PTPRD: variants seen among roughly 807,000 people sequenced by gnomAD.
PTPRD encodes the protein receptor-type tyrosine-protein phosphatase delta.
Under a neutral mutation model 214.5 loss-of-function variants are expected in PTPRD, and 34 were observed. The observed-to-expected ratio is 0.16, with a 90% CI of 0.12 to 0.21. The LOEUF (loss-of-function observed/expected upper bound fraction) is 0.21. PTPRD is among the 10% of genes least tolerant of loss of function. The pLI is 1.00. For synonymous variants in PTPRD, 1,128 were observed against 845.7 expected, an observed-to-expected ratio of 1.33 and a Z score of -5.79; for missense variants, 2,545 against 2,398.7, an observed-to-expected ratio of 1.06 and a Z score of -1.27.
chr9:8,947,561 T>G (rs73425792), intron 11 of PTPRD, among the ~76,000 whole-genome samples: 91 of 152,210 alleles, frequency 6.0e-4, no homozygotes, highest in African/African-American at 1.1e-3. Flanking sequence ...AGTAGTGATG[T>G]TCATCCTCCT....
chr9:10,464,080 C>G (rs1401647451), intron 2 of PTPRD, among the ~76,000 whole-genome samples: 1 of 150,472 alleles, frequency 6.6e-6, no homozygotes, highest in African/African-American at 2.4e-5. Context: ...TAGCTATAAA[C>G]ATATTAAAAG....
chr9:10,518,691 C>T (rs1181751126), intron 2 of PTPRD, among the ~76,000 whole-genome samples: 3 of 151,988 alleles, frequency 2.0e-5, no homozygotes, highest in East Asian at 3.9e-4. Context: ...CGCCACCACA[C>T]CCGGCTAATT....
chr9:10,307,636 T>C (rs2096125164), intron 3 of PTPRD, among the ~76,000 whole-genome samples: 1 of 152,040 alleles, frequency 6.6e-6, no homozygotes, highest in African/African-American at 2.4e-5. Context: ...CATACTGTTT[T>C]CCATAATGGA....
At position 8,923,647 on chromosome 9, in the gene PTPRD, AAAT is replaced by A. The variant is rs752326040; in HGVS notation, c.-104+95047_-104+95049del. Among the ~76,000 whole-genome samples the A allele has an allele frequency of 3.5e-4, 54 of 152,228 alleles. 1 individual carries two copies. Among genetic ancestry groups the A allele is most frequent in the Non-Finnish European group, 6.3e-4 (43 of 68,040 alleles). On this transcript the variant is annotated intron_variant, in intron 11 of 45. Transcript: ENST00000381196. ...AAAAAAAAGTTACTCAGAGCCCTTT[AAAT>A]AATAAGTTTAACAATCTTAAATCTC...
At chr9:8,499,878 C>G (rs767157459) in intron 24 of PTPRD, 38 bp from the exon 25 acceptor site, 1 of 1,548,938 alleles carries the variant, frequency 6.5e-7, no homozygotes, top group African/African-American at 1.4e-5. Flanking sequence ...ATTATAGGCA[C>G]TTGTCCCACC....
At chr9:10,355,640 G>A (rs776076109) in intron 2 of PTPRD, among the ~76,000 whole-genome samples, 1 of 151,846 alleles carries the variant, frequency 6.6e-6, no homozygotes. Flanking sequence ...GACCATGTCC[G>A]GCTAATTTTG....
At chr9:10,216,488 C>T (rs1025508869) in intron 3 of PTPRD, among the ~76,000 whole-genome samples, 10 of 151,876 alleles carry the variant, frequency 6.6e-5, no homozygotes, top group South Asian at 2.1e-4. Flanking sequence ...AACTTATATG[C>T]TCTAAATTTA....
chr9:8,740,308 T>A (rs978870600), intron 11 of PTPRD, among the ~76,000 whole-genome samples: 3 of 152,198 alleles, frequency 2.0e-5, no homozygotes, highest in African/African-American at 7.2e-5. Flanking sequence ...CATACTTCAT[T>A]GTATTTCTCA....
intron 7 of PTPRD, among the ~76,000 whole-genome samples, chr9:9,645,479 A>T (rs545316994): frequency 0.028 from 4,000 of 141,892 alleles, 191 homozygotes; most frequent in African/African-American, 0.097. Flanking sequence ...ATATATATAT[A>T]TTTTCTATTT....
At chr9:9,963,436 C>T (rs1284687147) in intron 4 of PTPRD, among the ~76,000 whole-genome samples, 1 of 152,072 alleles carries the variant, frequency 6.6e-6, no homozygotes, top group Non-Finnish European at 1.5e-5. Flanking sequence ...TATAATTAAC[C>T]TCTGCTTTCT....
At chr9:8,905,170 GCAAAT>G (rs1409471136) in intron 11 of PTPRD, among the ~76,000 whole-genome samples, 1 of 152,178 alleles carries the variant, frequency 6.6e-6, no homozygotes, top group East Asian at 1.9e-4. Flanking sequence ...TATGTAACAT[GCAAAT>G]CAATCCAATG....
intron 9 of PTPRD, among the ~76,000 whole-genome samples, chr9:9,306,721 T>C (rs749461865): frequency 2.0e-5 from 3 of 152,182 alleles, no homozygotes; most frequent in African/African-American, 4.8e-5. Context: ...TTCTTGGTCA[T>C]GAATTTTCTT....
At position 9,892,758 on chromosome 9, in the gene PTPRD, T is replaced by A. The variant is rs115394759; in HGVS notation, c.-368+45749A>T. On this transcript the variant is annotated intron_variant, in intron 5 of 45. Transcript: ENST00000381196. ...TAATAACGAGGTAAAAAAAAAAAAA[T>A]TGTGTCTTGTTCAGGGAAATAGCAA... Among the ~76,000 whole-genome samples, 594 of 146,554 alleles carry A rather than the reference T, an allele frequency of 4.1e-3. 3 individuals are homozygous for A. The highest frequency in any genetic ancestry group is 0.012 in the African/African-American group (479 of 39,198).
intron 3 of PTPRD, among the ~76,000 whole-genome samples, chr9:10,179,788 C>A (rs1214887579): frequency 6.6e-6 from 1 of 152,086 alleles, no homozygotes; most frequent in East Asian, 1.9e-4. Context: ...CCTAGCCAGT[C>A]TGGCTAAACA....
chr9:9,722,981 T>G (rs1024577895), intron 7 of PTPRD, among the ~76,000 whole-genome samples: 1 of 152,126 alleles, frequency 6.6e-6, no homozygotes, highest in Admixed American at 6.5e-5. Flanking sequence ...TCTCCCATTC[T>G]TTGAATTATG....
At chr9:10,239,278 G>C (rs2099639074) in intron 3 of PTPRD, among the ~76,000 whole-genome samples, 1 of 151,822 alleles carries the variant, frequency 6.6e-6, no homozygotes, top group African/African-American at 2.4e-5. Context: ...TACAATGAAT[G>C]TGACTAAAAT....
At chr9:8,649,569 T>A (rs1225360250) in intron 12 of PTPRD, among the ~76,000 whole-genome samples, 1 of 152,206 alleles carries the variant, frequency 6.6e-6, no homozygotes, top group African/African-American at 2.4e-5. Context: ...TTTAAAATGA[T>A]GTTTGATTGT....
chr9:8,705,501 T>G (rs1025681423), intron 12 of PTPRD, among the ~76,000 whole-genome samples: 18 of 152,236 alleles, frequency 1.2e-4, no homozygotes, highest in African/African-American at 4.1e-4. Flanking sequence ...ATACTAGTTT[T>G]GGATTTTGAA....
chr9:8,563,237 A>G (rs991718314), intron 14 of PTPRD, among the ~76,000 whole-genome samples: 2 of 152,142 alleles, frequency 1.3e-5, no homozygotes, highest in Non-Finnish European at 2.9e-5. Context: ...TGGTGAGGCT[A>G]CAGTACAGAC....
Sources: allele counts gnomAD v4.1 joint callset (sites outside exome capture counted in the v4.1 genomes callset), GRCh38; gene constraint gnomAD v4.1.1; transcripts MANE v1.5; gene names NCBI Gene and HGNC (gene_info 2026-07-23, HGNC 2026-07-21).